ABCA8: variants seen among roughly 807,000 people sequenced by gnomAD.
The protein encoded by ABCA8 is ATP binding cassette subfamily A member 8.
A neutral mutation model predicts 192.3 loss-of-function variants in ABCA8; 177 were observed. That is an observed-to-expected ratio of 0.92 (90% confidence interval 0.81 to 1.04). The LOEUF (loss-of-function observed/expected upper bound fraction) is 1.04, where lower values mean the gene tolerates loss of function less well. Ranked by LOEUF, ABCA8 falls within the 50% of genes least tolerant of loss-of-function variation. The probability of loss-of-function intolerance (pLI) is 0.00; values close to 1 mark genes in which losing one functional copy is unlikely to be tolerated. For missense variants in ABCA8, 1,915 were observed against 1,904.8 expected (o/e 1.01, Z -0.10); for synonymous variants, 642 against 690.2 (o/e 0.93, Z 1.09).
intron 21 of ABCA8, among the ~76,000 whole-genome samples, chr17:68,896,565 T>C (rs997344087): frequency 2.0e-5 from 3 of 152,318 alleles, no homozygotes; most frequent in Admixed American, 6.5e-5. Context: ...CCCCTTGTCT[T>C]CTGTGTCCAC....
chr17:68,916,709 C>T (rs1184641190), intron 17 of ABCA8, among the ~76,000 whole-genome samples: 3 of 151,568 alleles, frequency 2.0e-5, no homozygotes, highest in African/African-American at 4.9e-5. Context: ...AGCAAGTAGC[C>T]GACTTAAGAA....
At chr17:68,941,857 A>G in intron 3 of ABCA8, 82 bp downstream of exon 3, 9 of 910,096 alleles carry the variant, frequency 9.9e-6, no homozygotes, top group Non-Finnish European at 1.4e-5. Context: ...GTGTCGGGGG[A>G]GATACACATG....
chr17:68,906,793 T>C (rs1366691922), intron 18 of ABCA8, among the ~76,000 whole-genome samples: 3 of 152,170 alleles, frequency 2.0e-5, no homozygotes, highest in African/African-American at 7.2e-5. Context: ...TATCTATTCA[T>C]TCTTTAGTTC....
Position 68,887,442 on chromosome 17 carries a change from G to T in ABCA8, c.3209C>A (p.Ala1070Glu). ...LSPSAYWFGQ[A>E]LVDVSLYFLV... The stretch of plus-strand genomic sequence containing the variant: ...GAAGTACAGGGAAACATCCACCAGC[G>T]CCTGCCCAAACCAGTAAGCAGAAGG... The change falls in exon 25 of 40, where the codon GCG becomes GAG. Residue 1070 changes from alanine to glutamate, a missense_variant. Ala to Glu is a moderately radical substitution (Grantham distance 107). Transcript: ENST00000586539. 6.2e-7 allele frequency: 1 copy of T among 1,613,780 alleles called. No homozygotes were observed. Among genetic ancestry groups the T allele is most frequent in the Non-Finnish European group, 8.5e-7 (1 of 1,179,884 alleles).
At chr17:68,905,761 C>A (rs1366150247) in intron 19 of ABCA8, among the ~76,000 whole-genome samples, 1 of 152,120 alleles carries the variant, frequency 6.6e-6, no homozygotes, top group East Asian at 1.9e-4. Context: ...TGTTTTAGAT[C>A]TGTGGGTTCA....
intron 17 of ABCA8, among the ~76,000 whole-genome samples, chr17:68,910,682 T>C (rs2067209791): frequency 6.6e-6 from 1 of 152,138 alleles, no homozygotes; most frequent in Non-Finnish European, 1.5e-5. Flanking sequence ...AGAGACTCCC[T>C]CCTTCTGTTG....
intron 2 of ABCA8, among the ~76,000 whole-genome samples, chr17:68,948,506 GT>G (rs565524278): frequency 1.3e-5 from 2 of 152,056 alleles, no homozygotes; most frequent in South Asian, 2.1e-4. Flanking sequence ...GTGGTGATGA[GT>G]TTTTTTTATT....
At position 68,935,159 on chromosome 17, in the gene ABCA8, A is replaced by G. The variant is rs546082705; in HGVS notation, c.466+1792T>C. ...GCATTCAGTGGAGTACAGTGGTGCAATCTCGGCTCACTGCAAGCTCTGCCT... is the reference window on the plus strand; with the variant it reads ...GCATTCAGTGGAGTACAGTGGTGCAGTCTCGGCTCACTGCAAGCTCTGCCT... On this transcript the variant is annotated intron_variant, in intron 5 of 39. Transcript: ENST00000586539. Among the ~76,000 whole-genome samples the G allele has an allele frequency of 2.7e-5, 4 of 149,490 alleles. No homozygotes were observed. In the South Asian group the frequency reaches 6.4e-4, roughly 24 times the overall value.
chr17:68,904,910 G>A (rs1460762929), intron 19 of ABCA8, among the ~76,000 whole-genome samples: 1 of 152,176 alleles, frequency 6.6e-6, no homozygotes, highest in African/African-American at 2.4e-5. Flanking sequence ...TAAACAAAAA[G>A]TGATGACAGG....
intron 13 of ABCA8, 36 bp from the exon 14 acceptor site, chr17:68,919,512 T>A: frequency 6.5e-7 from 1 of 1,539,142 alleles, no homozygotes; most frequent in Non-Finnish European, 8.9e-7. Flanking sequence ...AAGATAAGGC[T>A]TAAGATATTT....
intron 18 of ABCA8, among the ~76,000 whole-genome samples, chr17:68,907,399 C>T (rs1328887509): frequency 6.6e-6 from 1 of 151,912 alleles, no homozygotes; most frequent in Non-Finnish European, 1.5e-5. Context: ...AGACAGATAG[C>T]CACATCACAG....
intron 17 of ABCA8, among the ~76,000 whole-genome samples, chr17:68,916,233 G>A (rs1369125940): frequency 1.3e-5 from 2 of 151,770 alleles, no homozygotes; most frequent in East Asian, 3.9e-4. Flanking sequence ...TATATTACAT[G>A]TGAATATAAT....
At chr17:68,912,988 C>A (rs1202571275) in intron 17 of ABCA8, among the ~76,000 whole-genome samples, 1 of 152,022 alleles carries the variant, frequency 6.6e-6, no homozygotes, top group Non-Finnish European at 1.5e-5. Context: ...CAAGGATACA[C>A]GATATGCTAG....
chr17:68,915,797 T>A (rs1432401364), intron 17 of ABCA8, among the ~76,000 whole-genome samples: 1 of 151,984 alleles, frequency 6.6e-6, no homozygotes. Flanking sequence ...AGAAAGGAAA[T>A]CAATATGTCA....
chr17:68,923,125 C>CTTATTTTATT (rs929113591), intron 11 of ABCA8, among the ~76,000 whole-genome samples: 1 of 151,874 alleles, frequency 6.6e-6, no homozygotes, highest in Non-Finnish European at 1.5e-5. Flanking sequence ...ATTTATGTTT[C>CTTATTTTATT]TTATTTTATC....
chr17:68,887,892 A>ATATATC (rs1319366476), intron 24 of ABCA8, among the ~76,000 whole-genome samples: 3 of 42,908 alleles, frequency 7.0e-5, no homozygotes, highest in Non-Finnish European at 1.1e-4. Context: ...ATATATATAT[A>ATATATC]TATATATATA....
intron 12 of ABCA8, 21 bp from the exon 13 acceptor site, chr17:68,921,513 G>A: frequency 6.6e-7 from 1 of 1,504,930 alleles, no homozygotes; most frequent in Non-Finnish European, 9.2e-7. Flanking sequence ...AAAAAGAAAG[G>A]AAAGAAAGAT....
intron 18 of ABCA8, 112 bp downstream of exon 18, chr17:68,907,628 C>T (rs1474690034): frequency 2.1e-6 from 2 of 939,722 alleles, no homozygotes; most frequent in Non-Finnish European, 2.9e-6. Context: ...GATTATGTTT[C>T]AGTACCTGAG....
chr17:68,900,660 T>C (rs1475872891), intron 21 of ABCA8, among the ~76,000 whole-genome samples: 1 of 151,730 alleles, frequency 6.6e-6, no homozygotes, highest in Non-Finnish European at 1.5e-5. Context: ...ATATCCCTTA[T>C]GAATAGAGAT....
Sources: gnomAD v4.1 joint callset for allele counts (sites outside exome capture counted in the v4.1 genomes callset) on GRCh38, gnomAD v4.1.1 for gene constraint, MANE v1.5 for transcripts, NCBI Gene and HGNC (gene_info 2026-07-23, HGNC 2026-07-21) for gene names.